C9orf50: variants seen among roughly 807,000 people sequenced by gnomAD.
C9orf50 encodes the protein chromosome 9 open reading frame 50, also known as uncharacterized protein C9orf50.
In C9orf50, 33 loss-of-function variants were observed where a neutral mutation model predicts 42.5. That is an observed-to-expected ratio of 0.78 (90% CI 0.59 to 1.04). The LOEUF is 1.04. Ranked by LOEUF, C9orf50 falls within the 50% of genes least tolerant of loss-of-function variation. C9orf50 has a pLI of 0.00. For missense variants in C9orf50, 547 were observed against 594.3 expected (o/e 0.92, Z 0.83); for synonymous variants, 257 against 273.4 (o/e 0.94, Z 0.59).
chr9:129,620,508 C>A lies in C9orf50; in HGVS notation c.67G>T (p.Asp23Tyr). The A allele has an allele frequency of 7.0e-7, 1 of 1,433,694 alleles. No individual in the cohort carries two copies. The highest frequency in any genetic ancestry group is 9.2e-7 in the Non-Finnish European group (1 of 1,091,428). The allele number at this position is 1,433,694 out of a possible 1,614,324, so 88.8% of individuals were successfully genotyped here. A position where few individuals can be genotyped will look rare whatever the true frequency, so the allele number is the denominator to read the frequency against. ...CGCGGGTCGCTGCTGCGTCGGAAGTCTCCGTCGCCAGGGAGCCCCTTGGGC... is the reference window on the plus strand; with the variant it reads ...CGCGGGTCGCTGCTGCGTCGGAAGTATCCGTCGCCAGGGAGCCCCTTGGGC... The change falls in exon 1 of 7, where the codon GAC becomes TAC. Residue 23 changes from aspartate (D) to tyrosine (Y), a missense_variant. Physicochemically the swap from Asp to Tyr is radical, Grantham distance 160. This residue lies in a region of C9orf50 where 105 missense variants were observed against 98.5 expected (regional missense o/e 1.07). Transcript: ENST00000372478. This position sits in a 1 kb window ranked among gnomAD's most constrained non-coding sequence, Gnocchi z 5.8.
At chr9:129,617,817 G>A (rs1306380596) in intron 3 of C9orf50, among the ~76,000 whole-genome samples, 1 of 152,122 alleles carries the variant, frequency 6.6e-6, no homozygotes, top group Non-Finnish European at 1.5e-5. Flanking sequence ...CCGAGTAGCT[G>A]GAACCACAGG....
exon 7 of C9orf50, chr9:129,612,303 A>G (rs1312875805): frequency 1.3e-6 from 2 of 1,532,040 alleles, no homozygotes; most frequent in East Asian, 4.5e-5. Flanking sequence ...GACGCTCCTC[A>G]TTGCCTGGCC....
rs1830640550 is a variant in C9orf50, at chr9:129,620,473, C to A, written c.102G>T (p.Lys34Asn). ...CCGCTCGGAGCGCGGGCGGGGTCAG[C>A]TTGGGCAGCCGCGGGTCGCTGCTGC... is the stretch of plus-strand genomic sequence containing the variant. Residue 34 changes from lysine (K) to asparagine (N), a missense_variant, in exon 1 of 7, where the codon AAG becomes AAT. Around this residue, in one of 3 missense-constraint regions of C9orf50, gnomAD observed 105 missense variants for 98.5 expected, o/e 1.07. Transcript: ENST00000372478. This position sits in a 1 kb window ranked among gnomAD's most constrained non-coding sequence, Gnocchi z 5.8. 2 of 1,372,132 alleles carry A rather than the reference C, an allele frequency of 1.5e-6. No homozygotes were observed. The highest frequency in any genetic ancestry group is 1.9e-6 in the Non-Finnish European group (2 of 1,057,412). 85.0% of individuals were successfully genotyped at this position (1,372,132 alleles called of 1,614,324 possible).
upstream of C9orf50, among the ~76,000 whole-genome samples, chr9:129,621,058 C>G (rs1830683978): frequency 1.3e-5 from 2 of 152,258 alleles, no homozygotes. Context: ...GCACCTGCCT[C>G]TCTGCAGCCG....
At chr9:129,617,601 T>C (rs182773080) in intron 3 of C9orf50, among the ~76,000 whole-genome samples, 92 of 152,374 alleles carry the variant, frequency 6.0e-4, no homozygotes, top group African/African-American at 2.2e-3. Flanking sequence ...TTTTATTTAT[T>C]TGTATCTTGT....
At chr9:129,615,276 C>CTA (rs1564334136) in intron 4 of C9orf50, among the ~76,000 whole-genome samples, 2 of 152,210 alleles carry the variant, frequency 1.3e-5, no homozygotes, top group African/African-American at 4.8e-5. Flanking sequence ...TGGAACACCT[C>CTA]CACTGGACTC....
exon 7 of C9orf50, chr9:129,612,380 CAGG>C (rs1830135515): frequency 5.6e-6 from 9 of 1,613,548 alleles, no homozygotes; most frequent in East Asian, 2.2e-5. Context: ...TTGCGGAGGC[CAGG>C]AGGAGATGGT....
chr9:129,612,569 T>A (rs998868326), intron 6 of C9orf50, 115 bp from the exon 7 acceptor site: 1 of 754,830 alleles, frequency 1.3e-6, no homozygotes, highest in African/African-American at 1.8e-5. Flanking sequence ...GTCAGCCCCA[T>A]TTTAAAAGAT....
Position 129,614,910 on chromosome 9 carries a change from AAAAAG to A in C9orf50, c.880+569_880+573del, listed in dbSNP as rs1830278738. On this transcript the variant is annotated intron_variant, in intron 4 of 6. Transcript: ENST00000372478. This position sits in a 1 kb window ranked among gnomAD's most constrained non-coding sequence, Gnocchi z 4.4. ...GAGTGAGACTCCGTATCAGAAAAAA[AAAAAG>A]AAAAAGAAAACTCACTGGGAACTGC... 6.6e-6 allele frequency among the ~76,000 whole-genome samples: 1 copy of A among 152,094 alleles called. No homozygotes were observed. Among genetic ancestry groups the A allele is most frequent in the African/African-American group, 2.4e-5 (1 of 41,410 alleles).
Position 129,613,312 on chromosome 9 carries a change from G to C in C9orf50, c.1044-61C>G, listed in dbSNP as rs1423880838. The C allele has an allele frequency of 6.4e-7, 1 of 1,566,120 alleles. No individual in the cohort carries two copies. The highest frequency in any genetic ancestry group is 8.7e-7 in the Non-Finnish European group (1 of 1,154,958). ...CTGAGTCCCCGGCCCACCCATGGCT[G>C]GCAGGGCCCTTGAGGACCCACACTG... On this transcript the variant is annotated intron_variant, in intron 5 of 6. Transcript: ENST00000372478. The surrounding 1 kb of genome is among the most constrained non-coding windows in gnomAD (Gnocchi z 6.2).
chr9:129,613,186 C>G lies in C9orf50; in HGVS notation c.1109G>C (p.Cys370Ser), dbSNP rs1257268728. ...CTGAGCAGCGGCCTTCTTCCATGAA[C>G]AGAAGGGCAGGCTGCTGTTCATGGA... The change falls in exon 6 of 7, where the codon TGT becomes TCT. Residue 370 changes from cysteine (C) to serine (S), a missense_variant. Coordinates refer to ENST00000372478, the Ensembl canonical transcript of C9orf50. The surrounding 1 kb of genome is among the most constrained non-coding windows in gnomAD (Gnocchi z 6.2). 2.5e-6 allele frequency: 4 copies of G among 1,613,580 alleles called. No individual in the cohort carries two copies.
intron 3 of C9orf50, among the ~76,000 whole-genome samples, chr9:129,617,051 G>A (rs1219485608): frequency 1.3e-5 from 2 of 151,146 alleles, no homozygotes; most frequent in African/African-American, 2.5e-5. Flanking sequence ...TAGGGACGGA[G>A]TGAGACTTCG....
At position 129,619,649 on chromosome 9, in the gene C9orf50, C is replaced by CA; in HGVS notation, c.600-14dup. 6.2e-7 allele frequency: 1 copy of CA among 1,613,704 alleles called. No individual in the cohort carries two copies. Among genetic ancestry groups the CA allele is most frequent in the Non-Finnish European group, 8.5e-7 (1 of 1,179,678 alleles). On this transcript the variant is annotated splice_polypyrimidine_tract_variant and intron_variant, in intron 2 of 6. Transcript: ENST00000372478. Reference sequence around the variant, plus strand: ...CGATGACTGGCCCCTTAAAGACAAACAGGCCACATCTGGCATGAGTGGCCA... The same window carrying CA: ...CGATGACTGGCCCCTTAAAGACAAACAAGGCCACATCTGGCATGAGTGGCCA...
At chr9:129,619,300 A>G (rs987524539) in intron 3 of C9orf50, among the ~76,000 whole-genome samples, 1 of 152,178 alleles carries the variant, frequency 6.6e-6, no homozygotes, top group African/African-American at 2.4e-5. Context: ...ATGTGTTGGT[A>G]GAAGACCTCA....
chr9:129,615,935 G>A (rs897280105), intron 3 of C9orf50, among the ~76,000 whole-genome samples: 22 of 152,342 alleles, frequency 1.4e-4, no homozygotes, highest in Admixed American at 5.2e-4. Context: ...ATTCCAAGGC[G>A]ATGCAGCTGT....
chr9:129,621,119 T>C (rs1432998626), upstream of C9orf50, among the ~76,000 whole-genome samples: 2 of 152,220 alleles, frequency 1.3e-5, no homozygotes, highest in African/African-American at 4.8e-5. Context: ...TTAGCCTGCC[T>C]TGCAGTGTTC....
At chr9:129,621,648 G>A (rs373696175), upstream of C9orf50, among the ~76,000 whole-genome samples, 6 of 152,302 alleles carry the variant, frequency 3.9e-5, no homozygotes, top group East Asian at 7.7e-4. Context: ...GATCACAGGC[G>A]TGAGTCCCCA....
Position 129,620,697 on chromosome 9 carries a change from G to A in C9orf50, c.-123C>T, listed in dbSNP as rs1830660205. The A allele has an allele frequency of 6.6e-6, 6 of 909,562 alleles. No individual in the cohort carries two copies. The Middle Eastern group carries it at 1.2e-3, about 175-fold the overall frequency. 56.3% of individuals were successfully genotyped at this position (909,562 alleles called of 1,614,324 possible). ...CCCCGGGCGGGGCAGCGCGGTGCGGGGTGAACGCCACCGGCCCGGCGGACA... is the reference window on the plus strand; with the variant it reads ...CCCCGGGCGGGGCAGCGCGGTGCGGAGTGAACGCCACCGGCCCGGCGGACA... On this transcript the variant is annotated 5_prime_UTR_variant, in exon 1 of 7. Coordinates refer to ENST00000372478, the Ensembl canonical transcript of C9orf50. This position sits in a 1 kb window ranked among gnomAD's most constrained non-coding sequence, Gnocchi z 5.8.
Position 129,613,256 on chromosome 9 carries a change from G to A in C9orf50, c.1044-5C>T. ...CCCTGTGTCTTCTGGGTGGACCTGG[G>A]GGAGACAGGACCCCATGAGCTTCCT... is the stretch of plus-strand genomic sequence containing the variant. On this transcript the variant is annotated splice_region_variant and splice_polypyrimidine_tract_variant and intron_variant, in intron 5 of 6. Coordinates refer to ENST00000372478, the Ensembl canonical transcript of C9orf50. The surrounding 1 kb of genome is among the most constrained non-coding windows in gnomAD (Gnocchi z 6.2). 3.1e-6 allele frequency: 5 copies of A among 1,600,368 alleles called. No homozygotes were observed. The highest frequency in any genetic ancestry group is 3.4e-6 in the Non-Finnish European group (4 of 1,171,724).
Sources: allele counts gnomAD v4.1 joint callset (sites outside exome capture counted in the v4.1 genomes callset), GRCh38; gene constraint gnomAD v4.1.1; regional missense constraint gnomAD v4.1.1; non-coding constraint Gnocchi (gnomAD v3.1); transcripts MANE v1.5; gene names NCBI Gene and HGNC (gene_info 2026-07-23, HGNC 2026-07-21).